The following HSD17B11 variants were observed in gnomAD, a reference collection of about 807,000 sequenced individuals.
HSD17B11 encodes estradiol 17-beta-dehydrogenase 11.
A neutral mutation model predicts 27.8 loss-of-function variants in HSD17B11; 22 were observed. The ratio of observed to expected loss-of-function variants is 0.79; its 90% CI spans 0.56 to 1.13. The LOEUF (loss-of-function observed/expected upper bound fraction) is 1.13. Among genes scored for constraint, HSD17B11 ranks in the 50% most tolerant of loss-of-function variants. HSD17B11 has a pLI of 0.00. For synonymous variants in HSD17B11, 117 were observed against 132.8 expected, an observed-to-expected ratio of 0.88 and a Z score of 0.82; for missense variants, 314 against 351.1, an observed-to-expected ratio of 0.89 and a Z score of 0.84.
chr4:87,382,490 TAAC>T (rs1578047625), intron 1 of HSD17B11, 128 bp from the exon 2 acceptor site: 11 of 580,454 alleles, frequency 1.9e-5, no homozygotes, highest in Admixed American at 2.9e-5. Context: ...GCAAGATTGT[TAAC>T]AACACATTTT....
intron 2 of HSD17B11, among the ~76,000 whole-genome samples, chr4:87,378,835 T>TATATATAA (rs1456917940): frequency 1.2e-4 from 5 of 41,824 alleles, no homozygotes; most frequent in Non-Finnish European, 2.0e-4. Context: ...TATATAAATA[T>TATATATAA]ATATATATAA....
intron 1 of HSD17B11, chr4:87,385,888 C>G (rs1720301679): frequency 6.7e-6 from 1 of 150,302 alleles, no homozygotes; most frequent in Admixed American, 6.6e-5. Flanking sequence ...GCACACCAGT[C>G]CGGGCAACAG....
chr4:87,346,956 A>G (rs1165608703), intron 5 of HSD17B11, among the ~76,000 whole-genome samples: 1 of 151,928 alleles, frequency 6.6e-6, no homozygotes, highest in African/African-American at 2.4e-5. Flanking sequence ...AGCTTAAAAA[A>G]ATAATTGGAA....
At chr4:87,378,929 AATATATAT>A in intron 2 of HSD17B11, among the ~76,000 whole-genome samples, 1 of 7,284 alleles carries the variant, frequency 1.4e-4, no homozygotes, top group East Asian at 5.1e-3. Context: ...AATATATATA[AATATATAT>A]ATATATATAT....
chr4:87,340,926 A>G (rs1735154376), intron 5 of HSD17B11, among the ~76,000 whole-genome samples: 1 of 152,220 alleles, frequency 6.6e-6, no homozygotes, highest in South Asian at 2.1e-4. Context: ...AGTAACTAAG[A>G]TTCAAATATA....
intron 5 of HSD17B11, among the ~76,000 whole-genome samples, chr4:87,341,659 G>A (rs923970859): frequency 6.6e-6 from 1 of 152,014 alleles, no homozygotes; most frequent in Non-Finnish European, 1.5e-5. Context: ...CCAGGACTTC[G>A]AGATCAGCCT....
At chr4:87,382,520 A>G (rs1028348292) in intron 1 of HSD17B11, among the ~76,000 whole-genome samples, 158 bp from the exon 2 acceptor site, 2 of 152,226 alleles carry the variant, frequency 1.3e-5, no homozygotes, top group African/African-American at 4.8e-5. Context: ...GTATATAGGC[A>G]CATTTTGCTT....
chr4:87,382,986 C>T (rs906770331), intron 1 of HSD17B11, among the ~76,000 whole-genome samples: 1 of 152,116 alleles, frequency 6.6e-6, no homozygotes, highest in Non-Finnish European at 1.5e-5. Flanking sequence ...GCAGTTTCAA[C>T]CTAATACATT....
Position 87,336,536 on chromosome 4 carries a change from T to C in HSD17B11, c.*740A>G, listed in dbSNP as rs527636811. 3.3e-5 allele frequency: 5 copies of C among 152,276 alleles called. No individual in the cohort carries two copies. Among genetic ancestry groups the C allele is most frequent in the African/African-American group, 1.2e-4 (5 of 41,508 alleles). The allele number at this position is 152,276 out of a possible 1,614,324, so 9.4% of individuals were successfully genotyped here. ...GAAATTTCCAGTTTTTAAAAAAAGA[T>C]TGCACAATTTATTTTCCTTTAATTT... On this transcript the variant is annotated 3_prime_UTR_variant, in exon 7 of 7. Transcript: ENST00000358290.
chr4:87,378,725 G>A (rs1475912259), intron 2 of HSD17B11, among the ~76,000 whole-genome samples: 1 of 142,462 alleles, frequency 7.0e-6, no homozygotes, highest in African/African-American at 2.6e-5. Flanking sequence ...CTATCTCCAA[G>A]AGTTCGATTA....
At chr4:87,368,547 G>C (rs887034461) in intron 4 of HSD17B11, among the ~76,000 whole-genome samples, 2 of 152,148 alleles carry the variant, frequency 1.3e-5, no homozygotes, top group Admixed American at 1.3e-4. Context: ...GAAATGTCAA[G>C]AGGCATGTGA....
intron 4 of HSD17B11, among the ~76,000 whole-genome samples, chr4:87,368,962 T>C (rs1405551733): frequency 1.3e-5 from 2 of 152,086 alleles, no homozygotes; most frequent in African/African-American, 2.4e-5. Flanking sequence ...GTCTATGGAG[T>C]AGCCATTCTT....
At position 87,336,638 on chromosome 4, in the gene HSD17B11, C is replaced by T. The variant is rs1240997502; in HGVS notation, c.*638G>A. On this transcript the variant is annotated 3_prime_UTR_variant, in exon 7 of 7. Transcript: ENST00000358290. ...AAGTGTGATCCATTTATTATTGCTG[C>T]CATTTGTGGGTACATTCTCTCAATT... 1 of 152,368 alleles carries T rather than the reference C, an allele frequency of 6.6e-6. No homozygotes were observed. Among genetic ancestry groups the T allele is most frequent in the East Asian group, 1.9e-4 (1 of 5,206 alleles). The allele number at this position is 152,368 out of a possible 1,614,324, so 9.4% of individuals were successfully genotyped here.
intron 4 of HSD17B11, among the ~76,000 whole-genome samples, chr4:87,361,964 A>C (rs1214754963): frequency 6.6e-6 from 1 of 152,152 alleles, no homozygotes; most frequent in Non-Finnish European, 1.5e-5. Context: ...GTCCTGTAAC[A>C]TATTTCTGGC....
intron 2 of HSD17B11, among the ~76,000 whole-genome samples, chr4:87,379,815 A>C (rs1720083779): frequency 7.0e-6 from 1 of 143,372 alleles, no homozygotes; most frequent in East Asian, 2.0e-4. Flanking sequence ...ATAGTATTAT[A>C]GTATTAATAG....
chr4:87,382,506 G>A (rs1181128996), intron 1 of HSD17B11, 144 bp from the exon 2 acceptor site: 3 of 534,674 alleles, frequency 5.6e-6, no homozygotes, highest in Admixed American at 3.1e-5. Context: ...CACATTTTTG[G>A]CAGGTATATA....
intron 4 of HSD17B11, among the ~76,000 whole-genome samples, chr4:87,365,555 C>A (rs565948171): frequency 6.6e-6 from 1 of 152,226 alleles, no homozygotes; most frequent in Admixed American, 6.5e-5. Context: ...GGAGAGTCAG[C>A]CCTTATCTGC....
rs1412912077 is a variant in HSD17B11 at position 87,378,894 on chromosome 4, A to G, written c.318+3361T>C. On this transcript the variant is annotated intron_variant, in intron 2 of 6. Transcript: ENST00000358290. ...TATATATATATAAATATATATATAT[A>G]AATATATATAAATATATATATATAA... 5.7e-4 allele frequency among the ~76,000 whole-genome samples: 7 copies of G among 12,178 alleles called. 1 individual carries two copies. Among genetic ancestry groups the G allele is most frequent in the Non-Finnish European group, 9.6e-4 (7 of 7,288 alleles). 8.0% of individuals were successfully genotyped at this position (12,178 alleles called of 152,430 possible). A position where few individuals can be genotyped will look rare whatever the true frequency, so the allele number is the denominator to read the frequency against.
chr4:87,382,495 A>G (rs1720203039), intron 1 of HSD17B11, 133 bp from the exon 2 acceptor site: 1 of 566,998 alleles, frequency 1.8e-6, no homozygotes, highest in African/African-American at 1.9e-5. Context: ...ATTGTTAACA[A>G]CACATTTTTG....
Sources: gnomAD v4.1 joint callset for allele counts (sites outside exome capture counted in the v4.1 genomes callset) on GRCh38, gnomAD v4.1.1 for gene constraint, MANE v1.5 for transcripts, NCBI Gene and HGNC (gene_info 2026-07-23, HGNC 2026-07-21) for gene names.